The following SLIT3 variants were observed in gnomAD, a reference collection of about 807,000 sequenced individuals.
SLIT3 encodes slit homolog 3 protein.
Under a neutral mutation model 184.0 loss-of-function variants are expected in SLIT3, and 68 were observed. That is an observed-to-expected ratio of 0.37 (90% CI 0.30 to 0.45). SLIT3 has a LOEUF of 0.45. Ranked by LOEUF, SLIT3 falls within the 20% of genes least tolerant of loss-of-function variation. The pLI, the probability that SLIT3 is intolerant of heterozygous loss-of-function variation, is 1.00. For synonymous variants in SLIT3, 831 were observed against 828.6 expected (o/e 1.00, Z -0.05); for missense variants, 1,707 against 2,026.0 (o/e 0.84, Z 3.02).
chr5:168,939,796 C>G (rs1333269958), intron 4 of SLIT3, among the ~76,000 whole-genome samples: 1 of 152,198 alleles, frequency 6.6e-6, no homozygotes, highest in Non-Finnish European at 1.5e-5. Flanking sequence ...GTGTTATTAT[C>G]CTTGTCTTAA....
chr5:169,185,008 T>A (rs1763287108), intron 4 of SLIT3, among the ~76,000 whole-genome samples: 1 of 152,200 alleles, frequency 6.6e-6, no homozygotes, highest in Non-Finnish European at 1.5e-5. Context: ...CGCAGGCTTC[T>A]ATGCTCAGCT....
At chr5:169,102,791 A>G (rs1212970072) in intron 4 of SLIT3, among the ~76,000 whole-genome samples, 1 of 152,220 alleles carries the variant, frequency 6.6e-6, no homozygotes, top group Non-Finnish European at 1.5e-5. Context: ...TACTCAGTCT[A>G]CAGGTTTAAA....
intron 10 of SLIT3, among the ~76,000 whole-genome samples, chr5:168,794,126 C>T (rs1178685087): frequency 6.6e-6 from 1 of 152,176 alleles, no homozygotes; most frequent in Non-Finnish European, 1.5e-5. Context: ...CACTTAACCT[C>T]TTTACTGTGG....
chr5:168,823,809 G>A (rs963161393), intron 6 of SLIT3, among the ~76,000 whole-genome samples: 3 of 152,192 alleles, frequency 2.0e-5, no homozygotes, highest in Non-Finnish European at 4.4e-5. Context: ...TCACTGCAAA[G>A]CTCTGGAGGT....
At chr5:169,035,970 C>T (rs558242267) in intron 4 of SLIT3, among the ~76,000 whole-genome samples, 19 of 152,280 alleles carry the variant, frequency 1.2e-4, no homozygotes, top group East Asian at 3.9e-4. Context: ...ATTTTACAGA[C>T]GAGCACATTT....
chr5:168,886,152 G>A (rs887697759), intron 4 of SLIT3, among the ~76,000 whole-genome samples: 3 of 152,176 alleles, frequency 2.0e-5, no homozygotes, highest in Non-Finnish European at 4.4e-5. Context: ...CAATCTGCTT[G>A]TAAATTTTAT....
At chr5:168,785,437 C>T (rs75455247) in intron 12 of SLIT3, among the ~76,000 whole-genome samples, 1,608 of 152,356 alleles carry the variant, frequency 0.011, 18 homozygotes, top group Non-Finnish European at 0.017. Flanking sequence ...TGGATTCACA[C>T]TGGTGACTGA....
At chr5:169,113,054 G>A (rs1445307914) in intron 4 of SLIT3, among the ~76,000 whole-genome samples, 1 of 152,006 alleles carries the variant, frequency 6.6e-6, no homozygotes, top group Non-Finnish European at 1.5e-5. Context: ...TTTCATTGTG[G>A]TGAAGTGTAC....
At chr5:168,789,447 T>A (rs928726700) in intron 11 of SLIT3, 113 bp downstream of exon 11, 1 of 748,808 alleles carries the variant, frequency 1.3e-6, no homozygotes, top group Non-Finnish European at 2.3e-6. Flanking sequence ...GCCACAAGTG[T>A]GTAAGGGAAC....
At chr5:168,767,454 C>T (rs1419951173) in intron 14 of SLIT3, among the ~76,000 whole-genome samples, 1 of 152,170 alleles carries the variant, frequency 6.6e-6, no homozygotes, top group East Asian at 1.9e-4. Context: ...GTTTCCACGT[C>T]CACACACACT....
intron 1 of SLIT3, among the ~76,000 whole-genome samples, chr5:169,263,285 G>A (rs1489088480): frequency 1.3e-5 from 2 of 152,134 alleles, no homozygotes; most frequent in East Asian, 3.9e-4. Flanking sequence ...AGAGGCTGCA[G>A]TGAGCTATGA....
chr5:168,705,018 A>G (rs1285108291), intron 26 of SLIT3, among the ~76,000 whole-genome samples: 4 of 152,184 alleles, frequency 2.6e-5, no homozygotes, highest in Non-Finnish European at 5.9e-5. Context: ...TGAGGTGAGG[A>G]GAAGAGCGAG....
chr5:169,277,527 C>T (rs1357176903), intron 1 of SLIT3, among the ~76,000 whole-genome samples: 3 of 152,198 alleles, frequency 2.0e-5, no homozygotes, highest in African/African-American at 7.2e-5. Context: ...GGTGACCCAC[C>T]ACGAGTGGCC....
intron 4 of SLIT3, chr5:169,022,884 C>T (rs1756656588): frequency 6.6e-6 from 1 of 152,126 alleles, no homozygotes; most frequent in Admixed American, 6.5e-5. Flanking sequence ...AAAAAGGACA[C>T]ACCCACCCCA....
chr5:169,177,256 G>A (rs1310480337), intron 4 of SLIT3, among the ~76,000 whole-genome samples: 1 of 152,144 alleles, frequency 6.6e-6, no homozygotes, highest in African/African-American at 2.4e-5. Context: ...AAGTAAACAG[G>A]GCCCCAGATA....
chr5:168,763,362 T>G (rs1755225757), intron 14 of SLIT3, among the ~76,000 whole-genome samples: 1 of 152,110 alleles, frequency 6.6e-6, no homozygotes, highest in Non-Finnish European at 1.5e-5. Context: ...GGTTGCCTGA[T>G]GTTGCTTTTT....
At chr5:168,687,901 G>GCC (rs1282599656) in intron 29 of SLIT3, among the ~76,000 whole-genome samples, 1 of 152,180 alleles carries the variant, frequency 6.6e-6, no homozygotes, top group African/African-American at 2.4e-5. Flanking sequence ...CACCTGCTCT[G>GCC]CCCCAGGCCC....
intron 1 of SLIT3, among the ~76,000 whole-genome samples, chr5:169,287,015 G>T (rs967783447): frequency 1.3e-5 from 2 of 152,200 alleles, no homozygotes; most frequent in Non-Finnish European, 1.5e-5. Flanking sequence ...TACAAGGAGG[G>T]CACACGGCAG....
intron 4 of SLIT3, among the ~76,000 whole-genome samples, chr5:169,026,840 A>G (rs1240082972): frequency 2.0e-5 from 3 of 151,988 alleles, no homozygotes; most frequent in Non-Finnish European, 4.4e-5. Context: ...TTTTAGATTG[A>G]CTTTTCAAGA....
Sources: allele counts gnomAD v4.1 joint callset (sites outside exome capture counted in the v4.1 genomes callset), GRCh38; gene constraint gnomAD v4.1.1; transcripts MANE v1.5; gene names NCBI Gene and HGNC (gene_info 2026-07-23, HGNC 2026-07-21).